Variants in ARHGDIB observed in about 807,000 individuals in gnomAD.
The protein encoded by ARHGDIB is rho GDP-dissociation inhibitor 2.
ARHGDIB carries 20 observed loss-of-function variants against 22.6 expected under a neutral mutation model. The observed-to-expected ratio is 0.88, with a 90% CI of 0.62 to 1.28. The LOEUF (loss-of-function observed/expected upper bound fraction) is 1.28. ARHGDIB is among the 50% of genes most tolerant of loss of function. The pLI, the probability that ARHGDIB is intolerant of heterozygous loss-of-function variation, is 0.00. For missense variants in ARHGDIB, 254 were observed against 245.4 expected, an observed-to-expected ratio of 1.04 and a Z score of -0.23; for synonymous variants, 114 against 96.1, an observed-to-expected ratio of 1.19 and a Z score of -1.09.
chr12:14,942,370 G>A lies in ARHGDIB; in HGVS notation c.*152C>T, dbSNP rs1020392554. On this transcript the variant is annotated 3_prime_UTR_variant, in exon 6 of 6. Transcript: ENST00000228945. Reference sequence around the variant, plus strand: ...TTAAGCCTCTTGTTCTAGGGACCACGTTGAGTGACAGGGTGGGAAAAGATG... The same window carrying A: ...TTAAGCCTCTTGTTCTAGGGACCACATTGAGTGACAGGGTGGGAAAAGATG... 9.5e-6 allele frequency: 8 copies of A among 842,332 alleles called. No homozygotes were observed. The highest frequency in any genetic ancestry group is 2.2e-5 in the Admixed American group (1 of 44,478). 52.2% of individuals were successfully genotyped at this position (842,332 alleles called of 1,614,324 possible).
chr12:14,950,578 T>C lies in ARHGDIB; in HGVS notation c.135A>G (p.Leu45=), dbSNP rs1864145607. 3 of 1,613,982 alleles carry C rather than the reference T, an allele frequency of 1.9e-6. No homozygotes were observed. The highest frequency in any genetic ancestry group is 2.5e-6 in the Non-Finnish European group (3 of 1,179,924). The stretch of plus-strand genomic sequence containing the variant: ...CCAGCAGCGTTTTCTTGTACTTAAT[T>C]AGACTCTCATCATCTTTGTCCATTT... ...LQEMDKDDES[L]IKYKKTLLGD... Residue 45 remains leucine, a synonymous_variant, in exon 2 of 6, where the codon CTA becomes CTG. Coordinates refer to ENST00000228945, the MANE Select transcript of ARHGDIB (RefSeq NM_001175.7).
At position 14,942,623 on chromosome 12, in the gene ARHGDIB, G is replaced by T; in HGVS notation, c.505C>A (p.Arg169=). 2 of 1,614,120 alleles carry T rather than the reference G, an allele frequency of 1.2e-6. No individual in the cohort carries two copies. Among genetic ancestry groups the T allele is most frequent in the Non-Finnish European group, 8.5e-7 (1 of 1,180,006 alleles). ...AAGGACTTGTTGTGGTACGTGCCTC[G>T]CGCCAGCATGCCCTTGGGAGCCTCC... The part of the protein sequence containing the change: ...VEEAPKGMLA[R]GTYHNKSFFT... Residue 169 remains arginine, a synonymous_variant, in exon 6 of 6, where the codon CGA becomes AGA. Coordinates refer to ENST00000228945, the MANE Select transcript of ARHGDIB (RefSeq NM_001175.7).
At chr12:14,950,494 G>A (rs1565462148) in intron 2 of ARHGDIB, 38 bp downstream of exon 2, 1 of 1,553,424 alleles carries the variant, frequency 6.4e-7, no homozygotes, top group East Asian at 2.3e-5. Context: ...TTCCCTCTCA[G>A]CGATCTTCCA....
rs773923893 is a variant in ARHGDIB, at chr12:14,947,955, G to A, written c.266-6C>T. The A allele has an allele frequency of 6.2e-7, 1 of 1,606,204 alleles. No individual in the cohort carries two copies. Among genetic ancestry groups the A allele is most frequent in the Non-Finnish European group, 8.5e-7 (1 of 1,172,804 alleles). On this transcript the variant is annotated splice_region_variant and splice_polypyrimidine_tract_variant and intron_variant, in intron 3 of 5. Transcript: ENST00000228945. ...TTTGAGGGCTTCCAGATCTCCTGTA[G>A]AAGAAGATTTAGAGAGAGTTTATCC...
Position 14,942,547 on chromosome 12 carries a change from G to T in ARHGDIB, c.581C>A (p.Ser194Ter). 1 of 1,614,114 alleles carries T rather than the reference G, an allele frequency of 6.2e-7. No individual in the cohort carries two copies. Among genetic ancestry groups the T allele is most frequent in the Non-Finnish European group, 8.5e-7 (1 of 1,180,026 alleles). ...TCATTCTGTCCACTCCTTCTTAATC[G>T]ACAGGTTCCACTCCCAGCTGAGGTG... ...QDHLSWEWNL[S>*]IKKEWTE The change falls in exon 6 of 6, where the codon TCG becomes TAG. Residue 194 changes from serine (S) to a stop codon, truncating the protein, a stop_gained. Transcript: ENST00000228945. LOFTEE classifies it high-confidence loss of function.
intron 1 of ARHGDIB, among the ~76,000 whole-genome samples, chr12:14,954,398 G>A (rs1374555048): frequency 1.3e-5 from 2 of 152,222 alleles, no homozygotes; most frequent in Non-Finnish European, 2.9e-5. Flanking sequence ...TGTGTCTGAG[G>A]GCGCATGACC....
At chr12:14,948,339 C>A (rs1476761109) in intron 3 of ARHGDIB, among the ~76,000 whole-genome samples, 1 of 151,994 alleles carries the variant, frequency 6.6e-6, no homozygotes, top group Non-Finnish European at 1.5e-5. Context: ...GCCCCTTACC[C>A]CTCAAATAAA....
At chr12:14,959,059 G>C (rs1384576873) in intron 1 of ARHGDIB, among the ~76,000 whole-genome samples, 5 of 152,178 alleles carry the variant, frequency 3.3e-5, no homozygotes, top group Admixed American at 2.6e-4. Flanking sequence ...GGAGGTCGAG[G>C]CTGCAGTGAG....
intron 1 of ARHGDIB, 177 bp from the exon 2 acceptor site, chr12:14,950,901 T>C (rs1030892969): frequency 1.9e-6 from 1 of 527,360 alleles, no homozygotes; most frequent in African/African-American, 1.9e-5. Flanking sequence ...TAATGTATTC[T>C]AGTAATTTCT....
At chr12:14,953,123 A>C (rs1864219052) in intron 1 of ARHGDIB, among the ~76,000 whole-genome samples, 1 of 152,174 alleles carries the variant, frequency 6.6e-6, no homozygotes, top group African/African-American at 2.4e-5. Context: ...CATTTTCTCG[A>C]TTCATTGCAA....
chr12:14,949,694 A>G (rs144991232), intron 3 of ARHGDIB, 108 bp downstream of exon 3: 27 of 956,368 alleles, frequency 2.8e-5, no homozygotes, highest in East Asian at 1.2e-4. Flanking sequence ...CCTAGCATAT[A>G]TATCTCTCTG....
rs138036885 is a variant in ARHGDIB at position 14,950,513 on chromosome 12, G to A, written c.181+19C>T. 2.4e-5 allele frequency: 38 copies of A among 1,596,214 alleles called. No individual in the cohort carries two copies. In the East Asian group the frequency reaches 7.4e-4, roughly 31 times the overall value. Reference sequence around the variant, plus strand: ...CTCTCAGCGATCTTCCACCCACCCTGTTCTCTGTACACACATACCTGTCAC... The same window carrying A: ...CTCTCAGCGATCTTCCACCCACCCTATTCTCTGTACACACATACCTGTCAC... On this transcript the variant is annotated intron_variant, in intron 2 of 5. Coordinates refer to ENST00000228945, the MANE Select transcript of ARHGDIB (RefSeq NM_001175.7).
chr12:14,954,681 G>A (rs1053242572), intron 1 of ARHGDIB, among the ~76,000 whole-genome samples: 2 of 152,160 alleles, frequency 1.3e-5, no homozygotes, highest in Non-Finnish European at 2.9e-5. Context: ...TAAGGCCTCC[G>A]CATATTTCTC....
intron 1 of ARHGDIB, among the ~76,000 whole-genome samples, chr12:14,960,174 T>G (rs906769016): frequency 6.6e-6 from 1 of 152,178 alleles, no homozygotes; most frequent in Non-Finnish European, 1.5e-5. Flanking sequence ...GAGAGCAGTC[T>G]GCCTTTCCCC....
At chr12:14,953,663 T>C (rs1864232399) in intron 1 of ARHGDIB, among the ~76,000 whole-genome samples, 1 of 152,024 alleles carries the variant, frequency 6.6e-6, no homozygotes. Flanking sequence ...CCCATGACAT[T>C]GTGCATATGA....
intron 1 of ARHGDIB, chr12:14,951,267 A>AAGAAAACGCTGCTGGGAGATGGTCC: frequency 6.5e-6 from 1 of 153,236 alleles, no homozygotes. Context: ...AAGATGACTC[A>AAGAAAACGCTGCTGGGAGATGGTCC]TGACGAACCG....
At chr12:14,950,785 G>A (rs1204186137) in intron 1 of ARHGDIB, 61 bp from the exon 2 acceptor site, 1 of 1,431,592 alleles carries the variant, frequency 7.0e-7, no homozygotes, top group Non-Finnish European at 9.3e-7. Flanking sequence ...ATGTTAGTGG[G>A]GCTGCTGTTA....
At chr12:14,960,022 C>T (rs1355922875) in intron 1 of ARHGDIB, among the ~76,000 whole-genome samples, 5 of 152,190 alleles carry the variant, frequency 3.3e-5, no homozygotes, top group East Asian at 1.9e-4. Context: ...GACCTCTGCC[C>T]CCTGTCTCTC....
At position 14,950,509 on chromosome 12, in the gene ARHGDIB, C is replaced by T. The variant is rs199554887; in HGVS notation, c.181+23G>A. The T allele has an allele frequency of 3.8e-6, 6 of 1,593,728 alleles. No individual in the cohort carries two copies. The African/African-American group carries it at 8.1e-5, about 22-fold the overall frequency. On this transcript the variant is annotated intron_variant, in intron 2 of 5. Transcript: ENST00000228945. ...TTCCCTCTCAGCGATCTTCCACCCA[C>T]CCTGTTCTCTGTACACACATACCTG...
Sources: gnomAD v4.1 joint callset for allele counts (sites outside exome capture counted in the v4.1 genomes callset) on GRCh38, gnomAD v4.1.1 for gene constraint, MANE v1.5 for transcripts, NCBI Gene and HGNC (gene_info 2026-07-23, HGNC 2026-07-21) for gene names.